Variants in CCDC178 observed in about 807,000 individuals in gnomAD.
CCDC178 encodes the protein coiled-coil domain-containing protein 178.
A neutral mutation model predicts 117.4 loss-of-function variants in CCDC178; 126 were observed. The ratio of observed to expected loss-of-function variants is 1.07; its 90% CI spans 0.93 to 1.24. The LOEUF (loss-of-function observed/expected upper bound fraction) is 1.24, where lower values mean the gene tolerates loss of function less well. Ranked by LOEUF, CCDC178 falls within the 50% of genes most tolerant of loss-of-function variation. CCDC178 has a pLI of 0.00. For missense variants in CCDC178, 1,030 were observed against 986.9 expected, an observed-to-expected ratio of 1.04 and a Z score of -0.59; for synonymous variants, 283 against 313.4, an observed-to-expected ratio of 0.90 and a Z score of 1.02.
At chr18:33,280,006 G>A (rs76200181) in intron 12 of CCDC178, among the ~76,000 whole-genome samples, 138,133 of 151,018 alleles carry the variant, frequency 0.91, 63,271 homozygotes, top group East Asian at 1. Flanking sequence ...ACCCTAGAAG[G>A]AAACCTAGGC....
chr18:33,391,731 G>A (rs2063567751), intron 4 of CCDC178, among the ~76,000 whole-genome samples: 1 of 152,042 alleles, frequency 6.6e-6, no homozygotes, highest in South Asian at 2.1e-4. Flanking sequence ...GTAAACAAAT[G>A]TTAATGTATT....
intron 21 of CCDC178, among the ~76,000 whole-genome samples, chr18:33,050,266 T>C (rs1567956507): frequency 6.6e-6 from 1 of 152,212 alleles, no homozygotes; most frequent in Non-Finnish European, 1.5e-5. Context: ...TTATATTTTC[T>C]GAATTGTGTT....
intron 21 of CCDC178, among the ~76,000 whole-genome samples, chr18:32,987,419 AG>A (rs1320279346): frequency 6.6e-6 from 1 of 152,074 alleles, no homozygotes. Flanking sequence ...ATATATATCT[AG>A]GTCTATAGAT....
intron 20 of CCDC178, among the ~76,000 whole-genome samples, chr18:33,166,632 C>T (rs983491907): frequency 6.6e-6 from 1 of 152,146 alleles, no homozygotes; most frequent in Admixed American, 6.5e-5. Flanking sequence ...AATAGACATT[C>T]ATTTTCACCT....
chr18:33,040,244 C>T (rs1233738784), intron 21 of CCDC178, among the ~76,000 whole-genome samples: 1 of 151,804 alleles, frequency 6.6e-6, no homozygotes, highest in East Asian at 1.9e-4. Flanking sequence ...AAAATACCAA[C>T]TTACAAAGTT....
At chr18:33,040,989 A>G (rs1201577697) in intron 21 of CCDC178, among the ~76,000 whole-genome samples, 3 of 151,956 alleles carry the variant, frequency 2.0e-5, no homozygotes, top group African/African-American at 7.2e-5. Context: ...AAATAACTCA[A>G]TTTTTAAAGT....
intron 22 of CCDC178, among the ~76,000 whole-genome samples, chr18:32,963,647 C>G (rs1372916551): frequency 2.0e-5 from 3 of 151,994 alleles, no homozygotes; most frequent in African/African-American, 7.2e-5. Flanking sequence ...TGTCGATGTA[C>G]CCTCACCTTG....
At chr18:33,001,929 A>G (rs898063711) in intron 21 of CCDC178, among the ~76,000 whole-genome samples, 1 of 152,220 alleles carries the variant, frequency 6.6e-6, no homozygotes, top group Non-Finnish European at 1.5e-5. Flanking sequence ...ACAAAAAGAG[A>G]CAAAGAAGGT....
intron 20 of CCDC178, among the ~76,000 whole-genome samples, chr18:33,175,048 TTTG>T (rs986246705): frequency 8.6e-5 from 13 of 150,900 alleles, no homozygotes; most frequent in African/African-American, 3.2e-4. Context: ...TTTTATTTTT[TTTG>T]GTATTTTTAG....
intron 18 of CCDC178, among the ~76,000 whole-genome samples, chr18:33,220,936 T>C (rs1245192564): frequency 6.6e-6 from 1 of 152,088 alleles, no homozygotes; most frequent in African/African-American, 2.4e-5. Context: ...GATACTCTCT[T>C]AAGTATACTT....
intron 20 of CCDC178, among the ~76,000 whole-genome samples, chr18:33,136,476 GTTGA>G (rs2058128145): frequency 6.6e-6 from 1 of 152,132 alleles, no homozygotes; most frequent in Admixed American, 6.5e-5. Flanking sequence ...AATAACTAGA[GTTGA>G]TTATTTGGCC....
At chr18:33,356,644 T>C (rs1252407266) in intron 6 of CCDC178, among the ~76,000 whole-genome samples, 1 of 152,072 alleles carries the variant, frequency 6.6e-6, no homozygotes. Flanking sequence ...CTTTGTAATC[T>C]AGACACAACA....
chr18:33,153,862 T>G (rs1025291182), intron 20 of CCDC178, among the ~76,000 whole-genome samples: 2 of 151,894 alleles, frequency 1.3e-5, no homozygotes, highest in Non-Finnish European at 2.9e-5. Context: ...GTAAATAATA[T>G]ATATATATGG....
intron 9 of CCDC178, 98 bp from the exon 10 acceptor site, chr18:33,333,492 T>G (rs1415484791): frequency 1.8e-5 from 10 of 568,428 alleles, no homozygotes; most frequent in Non-Finnish European, 2.8e-5. Context: ...ATTCCTTATT[T>G]GTGAATCTTA....
At chr18:33,013,099 T>A (rs2055906524) in intron 21 of CCDC178, among the ~76,000 whole-genome samples, 1 of 152,196 alleles carries the variant, frequency 6.6e-6, no homozygotes, top group Non-Finnish European at 1.5e-5. Flanking sequence ...AGGATTTCAC[T>A]TATAATCTCC....
intron 20 of CCDC178, among the ~76,000 whole-genome samples, chr18:33,097,802 G>A (rs2057565196): frequency 6.6e-6 from 1 of 152,018 alleles, no homozygotes; most frequent in South Asian, 2.1e-4. Context: ...TTTGACATAG[G>A]TAAAACAGGC....
intron 20 of CCDC178, among the ~76,000 whole-genome samples, chr18:33,187,572 A>G (rs758665883): frequency 1.1e-4 from 17 of 152,112 alleles, no homozygotes; most frequent in Non-Finnish European, 2.9e-5. Context: ...TTAAGTATGC[A>G]CCACATACAT....
intron 20 of CCDC178, among the ~76,000 whole-genome samples, chr18:33,199,164 A>G (rs978927870): frequency 6.6e-6 from 1 of 152,024 alleles, no homozygotes; most frequent in South Asian, 2.1e-4. Context: ...ACAGACTGCT[A>G]CTTTATTAGG....
At chr18:33,192,923 A>G (rs1598984007) in intron 20 of CCDC178, among the ~76,000 whole-genome samples, 1 of 148,102 alleles carries the variant, frequency 6.8e-6, no homozygotes. Flanking sequence ...AAAGAAAAAG[A>G]AGAAAAAATT....
Sources: gnomAD v4.1 joint callset for allele counts (sites outside exome capture counted in the v4.1 genomes callset) on GRCh38, gnomAD v4.1.1 for gene constraint, MANE v1.5 for transcripts, NCBI Gene and HGNC (gene_info 2026-07-23, HGNC 2026-07-21) for gene names.